The following JAK1 variants were observed in gnomAD, a reference collection of about 807,000 sequenced individuals.
JAK1 encodes Janus kinase 1, also known as tyrosine-protein kinase JAK1.
JAK1 carries 16 observed loss-of-function variants against 136.6 expected under a neutral mutation model. The observed-to-expected ratio is 0.12, with a 90% CI of 0.08 to 0.18. The LOEUF (loss-of-function observed/expected upper bound fraction) is 0.18. JAK1 is among the 10% of genes least tolerant of loss of function. JAK1 has a pLI of 1.00. For missense variants in JAK1, 859 were observed against 1,450.1 expected, an observed-to-expected ratio of 0.59 and a Z score of 6.62; for synonymous variants, 492 against 519.5, an observed-to-expected ratio of 0.95 and a Z score of 0.72.
chr1:64,842,225 A>C (rs1654949875), intron 17 of JAK1, among the ~76,000 whole-genome samples: 1 of 152,270 alleles, frequency 6.6e-6, no homozygotes, highest in African/African-American at 2.4e-5. Context: ...GCTGGAAGAC[A>C]AAATGCCAAA....
At chr1:65,043,435 T>C (rs1161636038) in intron 2 of JAK1, among the ~76,000 whole-genome samples, 4 of 152,112 alleles carry the variant, frequency 2.6e-5, no homozygotes, top group Admixed American at 1.3e-4. Flanking sequence ...CAAAAACCTA[T>C]ACCACAATTT....
intron 2 of JAK1, among the ~76,000 whole-genome samples, chr1:65,027,888 G>A (rs758884447): frequency 2.6e-5 from 4 of 152,318 alleles, no homozygotes; most frequent in South Asian, 4.1e-4. Flanking sequence ...AGCTGTCAGC[G>A]TTCTGCATTC....
chr1:64,997,622 C>T (rs1476324632), intron 2 of JAK1, among the ~76,000 whole-genome samples: 1 of 152,092 alleles, frequency 6.6e-6, no homozygotes, highest in African/African-American at 2.4e-5. Flanking sequence ...ACCTAGGGGT[C>T]CTGGACTTTT....
chr1:64,875,601 AT>A (rs1238991852), intron 4 of JAK1, among the ~76,000 whole-genome samples: 1 of 152,210 alleles, frequency 6.6e-6, no homozygotes, highest in East Asian at 1.9e-4. Flanking sequence ...AAAAACCAAC[AT>A]TTTTATAATC....
intron 7 of JAK1, among the ~76,000 whole-genome samples, chr1:64,865,324 A>G (rs1281502369): frequency 6.6e-6 from 1 of 152,218 alleles, no homozygotes; most frequent in African/African-American, 2.4e-5. Context: ...GCTCTGACAC[A>G]AACAGATAAC....
At chr1:64,914,820 T>C (rs1011686102) in intron 1 of JAK1, among the ~76,000 whole-genome samples, 2 of 152,180 alleles carry the variant, frequency 1.3e-5, no homozygotes, top group African/African-American at 4.8e-5. Flanking sequence ...CATCTCTGCC[T>C]CCCAAAGTGC....
At chr1:65,066,378 C>T (rs545152414) in intron 1 of JAK1, among the ~76,000 whole-genome samples, 35 of 152,250 alleles carry the variant, frequency 2.3e-4, no homozygotes, top group African/African-American at 8.2e-4. Context: ...GACTCTCATG[C>T]CTATATTAAA....
chr1:64,839,395 G>C, intron 20 of JAK1: 1 of 444,696 alleles, frequency 2.2e-6, no homozygotes, highest in Non-Finnish European at 3.9e-6. Flanking sequence ...CCAGCCCCTG[G>C]ATGGAGGGGC....
chr1:64,859,155 A>T (rs149579828), intron 9 of JAK1, among the ~76,000 whole-genome samples: 19 of 152,370 alleles, frequency 1.2e-4, no homozygotes, highest in African/African-American at 4.1e-4. Context: ...AGAGGGAAGA[A>T]GGTGAGAAGC....
chr1:65,061,547 A>T (rs1045088732), intron 1 of JAK1, among the ~76,000 whole-genome samples: 1 of 152,218 alleles, frequency 6.6e-6, no homozygotes, highest in Non-Finnish European at 1.5e-5. Context: ...CAAGCAGAAT[A>T]TTTGAAAATA....
At chr1:64,854,796 C>A (rs1020204711) in intron 11 of JAK1, among the ~76,000 whole-genome samples, 1 of 152,080 alleles carries the variant, frequency 6.6e-6, no homozygotes, top group South Asian at 2.1e-4. Flanking sequence ...GCCTCACCTG[C>A]CCCTCCCTTC....
chr1:65,010,479 G>T (rs972582090), intron 2 of JAK1, among the ~76,000 whole-genome samples: 7 of 152,176 alleles, frequency 4.6e-5, no homozygotes, highest in African/African-American at 1.7e-4. Flanking sequence ...CCACGTGGGT[G>T]AGCTTGGAAG....
intron 1 of JAK1, among the ~76,000 whole-genome samples, chr1:64,922,545 C>T (rs907544344): frequency 6.6e-6 from 1 of 152,078 alleles, no homozygotes; most frequent in African/African-American, 2.4e-5. Flanking sequence ...CTGTTCACCA[C>T]TTCAAACATT....
chr1:64,906,906 G>A (rs1645198633), intron 1 of JAK1, among the ~76,000 whole-genome samples: 1 of 151,752 alleles, frequency 6.6e-6, no homozygotes, highest in Admixed American at 6.6e-5. Context: ...TCATGCCAGT[G>A]CATGTTTTTC....
chr1:64,994,549 G>A (rs1646686344), intron 2 of JAK1, among the ~76,000 whole-genome samples: 1 of 152,140 alleles, frequency 6.6e-6, no homozygotes, highest in Non-Finnish European at 1.5e-5. Context: ...GAGATGAAAA[G>A]CACAGTCTCA....
intron 2 of JAK1, chr1:64,989,913 G>A (rs1646639217): frequency 6.6e-6 from 1 of 152,148 alleles, no homozygotes; most frequent in Non-Finnish European, 1.5e-5. Context: ...TTGAAGGAGG[G>A]CCCCAGTACA....
At chr1:64,893,738 AG>A (rs1466864402) in intron 1 of JAK1, among the ~76,000 whole-genome samples, 1 of 152,236 alleles carries the variant, frequency 6.6e-6, no homozygotes, top group Non-Finnish European at 1.5e-5. Context: ...AACTTATAAA[AG>A]TTTGAAACCA....
intron 2 of JAK1, among the ~76,000 whole-genome samples, chr1:64,998,318 T>G (rs1391352670): frequency 6.6e-6 from 1 of 152,248 alleles, no homozygotes; most frequent in Non-Finnish European, 1.5e-5. Flanking sequence ...ATTACCATAC[T>G]TACATGGTCA....
At chr1:64,944,699 A>G (rs1321761051) in intron 1 of JAK1, among the ~76,000 whole-genome samples, 1 of 152,296 alleles carries the variant, frequency 6.6e-6, no homozygotes, top group East Asian at 1.9e-4. Context: ...GCAAATGGAA[A>G]AAAAGGTTAT....
Sources: allele counts gnomAD v4.1 joint callset (sites outside exome capture counted in the v4.1 genomes callset), GRCh38; gene constraint gnomAD v4.1.1; transcripts MANE v1.5; gene names NCBI Gene and HGNC (gene_info 2026-07-23, HGNC 2026-07-21).